Variants in SNX16 observed in about 807,000 individuals in gnomAD.
SNX16 encodes the protein sorting nexin 16, also known as sorting nexin-16.
SNX16 carries 35 observed loss-of-function variants against 36.7 expected under a neutral mutation model. That is an observed-to-expected ratio of 0.95 (90% CI 0.73 to 1.27). The LOEUF is 1.27. SNX16 is among the 50% of genes most tolerant of loss of function. The pLI, the probability that SNX16 is intolerant of heterozygous loss-of-function variation, is 0.00. For synonymous variants in SNX16, 134 were observed against 132.0 expected (o/e 1.02, Z -0.10); for missense variants, 367 against 393.6 (o/e 0.93, Z 0.57).
At chr8:81,804,194 GAAAC>G (rs143052076) in intron 5 of SNX16, among the ~76,000 whole-genome samples, 2,459 of 151,934 alleles carry the variant, frequency 0.016, 103 homozygotes, top group Admixed American at 0.094. Flanking sequence ...CTTCAAGAAT[GAAAC>G]AAAATTAAAA....
chr8:81,822,351 A>C (rs1181736022), intron 4 of SNX16, among the ~76,000 whole-genome samples: 1 of 152,136 alleles, frequency 6.6e-6, no homozygotes, highest in African/African-American at 2.4e-5. Context: ...ATTTTGGAGA[A>C]TTAAAAGAAG....
rs368813947 is a variant in SNX16 at position 81,839,973 on chromosome 8, T to C, written c.14A>G (p.Tyr5Cys). 26 of 1,605,622 alleles carry C rather than the reference T, an allele frequency of 1.6e-5. No individual in the cohort carries two copies. The highest frequency in any genetic ancestry group is 1.2e-4 in the Admixed American group (7 of 58,338). The change falls in exon 2 of 8, where the codon TAT becomes TGT. Residue 5 changes from tyrosine to cysteine, a missense_variant. Tyr to Cys is a radical substitution (Grantham distance 194). Transcript: ENST00000345957. The stretch of plus-strand genomic sequence containing the variant: ...TCCTATGGGCATAGGAACTGGGACA[T>C]AAGGAGTTGCCATCTTCTTTTGGCT... MATP[Y>C]VPVPMPIGNS...
rs1810699976 is a variant in SNX16 at position 81,820,649 on chromosome 8, A to T, written c.611+3143T>A. 1.4e-5 allele frequency among the ~76,000 whole-genome samples: 2 copies of T among 145,590 alleles called. 1 individual carries two copies. Among genetic ancestry groups the T allele is most frequent in the South Asian group, 4.2e-4 (2 of 4,744 alleles). ...CATTTTCCTACCCATAATCTTAAGC[A>T]TTCCAGGCTCCCCAAATCCCATTCT... is the stretch of plus-strand genomic sequence containing the variant. On this transcript the variant is annotated intron_variant, in intron 4 of 7. Transcript: ENST00000345957.
chr8:81,819,315 TTAAC>T (rs1810629961), intron 4 of SNX16, among the ~76,000 whole-genome samples: 1 of 152,128 alleles, frequency 6.6e-6, no homozygotes, highest in African/African-American at 2.4e-5. Context: ...TAGCTATATT[TTAAC>T]TAAGACTGTG....
At chr8:81,831,563 T>C (rs1442420613) in intron 2 of SNX16, among the ~76,000 whole-genome samples, 1 of 151,480 alleles carries the variant, frequency 6.6e-6, no homozygotes, top group Non-Finnish European at 1.5e-5. Context: ...CCAGATGTGG[T>C]GGTGGGTGCC....
chr8:81,835,617 G>A (rs1042472084), intron 2 of SNX16, among the ~76,000 whole-genome samples: 1 of 152,196 alleles, frequency 6.6e-6, no homozygotes, highest in Admixed American at 6.5e-5. Flanking sequence ...CAAAGTTCCA[G>A]AAATCTCTAG....
intron 5 of SNX16, 84 bp from the exon 6 acceptor site, chr8:81,803,312 T>A: frequency 7.5e-7 from 1 of 1,334,052 alleles, no homozygotes; most frequent in Admixed American, 2.5e-5. Flanking sequence ...CTCAAGAGCA[T>A]TATTGAAGAG....
chr8:81,841,419 T>C (rs1811765523), intron 1 of SNX16, among the ~76,000 whole-genome samples: 1 of 151,794 alleles, frequency 6.6e-6, no homozygotes, highest in South Asian at 2.1e-4. Context: ...TCATGAAACT[T>C]TAGCTGCTGA....
At position 81,801,496 on chromosome 8, in the gene SNX16, A is replaced by G. The variant is rs1430180829; in HGVS notation, c.*1T>C. ...AAATGGAGGGAACTGCTTGTGATAC[A>G]TTAGTCTTCTTCAGCATCATATGCC... On this transcript the variant is annotated 3_prime_UTR_variant, in exon 8 of 8. Coordinates refer to ENST00000345957, the MANE Select transcript of SNX16 (RefSeq NM_152836.3). 2 of 1,568,962 alleles carry G rather than the reference A, an allele frequency of 1.3e-6. No homozygotes were observed. The highest frequency in any genetic ancestry group is 1.1e-5 in the South Asian group (1 of 87,774).
At chr8:81,828,853 T>C (rs1317523943) in intron 3 of SNX16, among the ~76,000 whole-genome samples, 1 of 152,184 alleles carries the variant, frequency 6.6e-6, no homozygotes, top group Admixed American at 6.5e-5. Flanking sequence ...GAAGTATGAA[T>C]GATTTCTGGC....
At chr8:81,838,637 G>C (rs1048644561) in intron 2 of SNX16, among the ~76,000 whole-genome samples, 2 of 150,866 alleles carry the variant, frequency 1.3e-5, no homozygotes, top group Admixed American at 1.3e-4. Context: ...AATTCTGGTG[G>C]TTTACGAATC....
intron 2 of SNX16, among the ~76,000 whole-genome samples, chr8:81,834,330 G>A (rs1586020003): frequency 6.6e-6 from 1 of 152,184 alleles, no homozygotes; most frequent in Non-Finnish European, 1.5e-5. Flanking sequence ...GGGAATTCAA[G>A]ATGAGATTTG....
chr8:81,831,950 A>T (rs1586016605), intron 2 of SNX16, among the ~76,000 whole-genome samples: 1 of 152,302 alleles, frequency 6.6e-6, no homozygotes, highest in East Asian at 1.9e-4. Context: ...GAGAGCACTT[A>T]TATATTGCTG....
chr8:81,822,964 A>ATATATG (rs1554546269), intron 4 of SNX16, among the ~76,000 whole-genome samples: 15 of 127,250 alleles, frequency 1.2e-4, no homozygotes, highest in African/African-American at 4.6e-4. Flanking sequence ...ATATATATAT[A>ATATATG]TATATATATA....
intron 1 of SNX16, among the ~76,000 whole-genome samples, chr8:81,841,230 A>G (rs1811752137): frequency 6.6e-6 from 1 of 151,696 alleles, no homozygotes; most frequent in African/African-American, 2.4e-5. Flanking sequence ...AATCCCAGCT[A>G]CTTGGGAGGC....
At chr8:81,825,296 T>C (rs1810960682) in intron 3 of SNX16, among the ~76,000 whole-genome samples, 1 of 152,192 alleles carries the variant, frequency 6.6e-6, no homozygotes, top group South Asian at 2.1e-4. Context: ...CATTGTCAAA[T>C]CATGAATTTA....
At chr8:81,808,815 C>A in intron 5 of SNX16, 1 of 734,942 alleles carries the variant, frequency 1.4e-6, no homozygotes, top group Non-Finnish European at 2.4e-6. Context: ...GTGAAGTCAG[C>A]CAAGCACAGT....
chr8:81,808,839 A>G, intron 5 of SNX16: 1 of 695,444 alleles, frequency 1.4e-6, no homozygotes, highest in Admixed American at 2.0e-5. Context: ...GGCAGGGCCT[A>G]GCTGCTACAA....
At chr8:81,832,133 A>G (rs1164105388) in intron 2 of SNX16, among the ~76,000 whole-genome samples, 1 of 152,214 alleles carries the variant, frequency 6.6e-6, no homozygotes. Context: ...TGCACAAACT[A>G]CTCACAATGG....
Sources: gnomAD v4.1 joint callset for allele counts (sites outside exome capture counted in the v4.1 genomes callset) on GRCh38, gnomAD v4.1.1 for gene constraint, MANE v1.5 for transcripts, NCBI Gene and HGNC (gene_info 2026-07-23, HGNC 2026-07-21) for gene names.